RORA: variants seen among roughly 807,000 people sequenced by gnomAD.
RORA encodes the protein RAR related orphan receptor A, also known as nuclear receptor ROR-alpha.
Under a neutral mutation model 69.5 loss-of-function variants are expected in RORA, and 7 were observed. That is an observed-to-expected ratio of 0.10 (90% CI 0.06 to 0.19). RORA has a LOEUF of 0.19. Ranked by LOEUF, RORA falls within the 10% of genes least tolerant of loss-of-function variation. The probability of loss-of-function intolerance (pLI) is 1.00; values close to 1 mark genes in which losing one functional copy is unlikely to be tolerated. For missense variants in RORA, 457 were observed against 663.0 expected (o/e 0.69, Z 3.41); for synonymous variants, 261 against 240.8 (o/e 1.08, Z -0.78).
chr15:61,078,856 C>T (rs941803285), intron 1 of RORA, among the ~76,000 whole-genome samples: 1 of 152,182 alleles, frequency 6.6e-6, no homozygotes, highest in African/African-American at 2.4e-5. Flanking sequence ...GCTTAAATGT[C>T]TGCCACATAT....
At chr15:60,778,756 C>T (rs6494222) in intron 1 of RORA, among the ~76,000 whole-genome samples, 116,392 of 151,998 alleles carry the variant, frequency 0.77, 44,663 homozygotes, top group South Asian at 0.88. Flanking sequence ...TACTGTTTTT[C>T]TCTTTCCCTT....
intron 2 of RORA, among the ~76,000 whole-genome samples, chr15:60,538,538 A>G (rs2066754096): frequency 6.6e-6 from 1 of 151,612 alleles, no homozygotes; most frequent in African/African-American, 2.4e-5. Flanking sequence ...ACAGTACCAT[A>G]ATTCTCATCT....
chr15:61,088,089 T>G (rs535203277), intron 1 of RORA, among the ~76,000 whole-genome samples: 20 of 152,358 alleles, frequency 1.3e-4, no homozygotes, highest in African/African-American at 4.8e-4. Context: ...TGCCAGGTGC[T>G]GGGCTAGGCT....
chr15:60,837,038 CT>C (rs35079716), intron 1 of RORA, among the ~76,000 whole-genome samples: 488 of 142,948 alleles, frequency 3.4e-3, no homozygotes, highest in African/African-American at 0.01. Flanking sequence ...ATACCTTGAC[CT>C]TTTTTTTTTT....
intron 1 of RORA, among the ~76,000 whole-genome samples, chr15:60,878,673 T>G (rs1196605209): frequency 6.6e-6 from 1 of 152,322 alleles, no homozygotes; most frequent in East Asian, 1.9e-4. Context: ...TTACTATTAT[T>G]GCTCAGACCT....
intron 1 of RORA, among the ~76,000 whole-genome samples, chr15:60,680,351 A>G (rs1014496670): frequency 6.6e-6 from 1 of 152,122 alleles, no homozygotes; most frequent in East Asian, 1.9e-4. Context: ...GTGTGGAACT[A>G]TTTTCTCTTG....
intron 1 of RORA, among the ~76,000 whole-genome samples, chr15:60,710,202 T>C (rs1272938335): frequency 6.6e-6 from 1 of 152,102 alleles, no homozygotes; most frequent in Admixed American, 6.6e-5. Flanking sequence ...TGTTAAAAAT[T>C]AGTTGGCCAG....
chr15:60,721,316 A>G (rs1017233440), intron 1 of RORA, among the ~76,000 whole-genome samples: 5 of 152,256 alleles, frequency 3.3e-5, no homozygotes, highest in African/African-American at 7.2e-5. Flanking sequence ...TATTTTACAC[A>G]TGGTCTCAAG....
chr15:61,034,569 G>A (rs548912830), intron 1 of RORA, among the ~76,000 whole-genome samples: 35 of 152,178 alleles, frequency 2.3e-4, no homozygotes, highest in South Asian at 1.0e-3. Context: ...AGAAAACCCT[G>A]GGGAACTGCC....
intron 1 of RORA, among the ~76,000 whole-genome samples, chr15:61,175,639 C>T (rs2079622332): frequency 6.6e-6 from 1 of 150,716 alleles, no homozygotes; most frequent in Admixed American, 6.6e-5. Context: ...ATTGCTTGAG[C>T]CCGGGAGGTT....
intron 1 of RORA, among the ~76,000 whole-genome samples, chr15:60,689,337 G>A (rs2070789626): frequency 6.6e-6 from 1 of 152,188 alleles, no homozygotes. Context: ...AGGCCCATAT[G>A]TCCTTGGGAT....
intron 1 of RORA, chr15:60,763,898 C>T (rs1180862327): frequency 1.3e-5 from 2 of 152,220 alleles, no homozygotes; most frequent in South Asian, 2.1e-4. Flanking sequence ...AGGCTGCTCC[C>T]TTTGTGATTG....
chr15:61,147,442 T>C lies in RORA; in HGVS notation c.166+81611A>G, dbSNP rs1188157099. Among the ~76,000 whole-genome samples the C allele has an allele frequency of 6.6e-6, 1 of 152,086 alleles. No homozygotes were observed. Among genetic ancestry groups the C allele is most frequent in the African/African-American group, 2.4e-5 (1 of 41,420 alleles). On this transcript the variant is annotated intron_variant, in intron 1 of 10. Transcript: ENST00000335670. This position sits in a 1 kb window ranked among gnomAD's most constrained non-coding sequence, Gnocchi z 4.1. ...GAGGTGGGTAACCCAACAGGTGCAA[T>C]AGGACTCTGAAGAAGGAATATGAGA...
At chr15:61,050,366 C>T (rs1335840023) in intron 1 of RORA, among the ~76,000 whole-genome samples, 1 of 152,186 alleles carries the variant, frequency 6.6e-6, no homozygotes, top group African/African-American at 2.4e-5. Context: ...CTCATGATAT[C>T]AATAATTCTA....
chr15:60,697,746 T>G (rs1224792837), intron 1 of RORA, among the ~76,000 whole-genome samples: 2 of 152,204 alleles, frequency 1.3e-5, no homozygotes, highest in African/African-American at 4.8e-5. Flanking sequence ...TTTTATACTT[T>G]CCTCAAATTT....
At chr15:61,219,365 G>T (rs1460899186) in intron 1 of RORA, among the ~76,000 whole-genome samples, 1 of 152,194 alleles carries the variant, frequency 6.6e-6, no homozygotes, top group South Asian at 2.1e-4. Flanking sequence ...ACGAGGTCAG[G>T]AGATCGAGAC....
chr15:60,979,271 T>TA (rs1465594637), intron 1 of RORA, among the ~76,000 whole-genome samples: 3 of 72,408 alleles, frequency 4.1e-5, no homozygotes, highest in Non-Finnish European at 9.4e-5. Flanking sequence ...GCCCTTGCTT[T>TA]TTTTTTTTTT....
chr15:60,923,327 C>A (rs900811422), intron 1 of RORA, among the ~76,000 whole-genome samples: 14 of 152,356 alleles, frequency 9.2e-5, no homozygotes, highest in African/African-American at 2.9e-4. Context: ...TGAGTCCCCC[C>A]ACTCCCGAAC....
chr15:60,558,475 T>C (rs2067436590), intron 2 of RORA: 1 of 537,296 alleles, frequency 1.9e-6, no homozygotes, highest in Middle Eastern at 4.8e-4. Flanking sequence ...TGACTGAATA[T>C]TTTTGTTGGG....
Sources: allele counts gnomAD v4.1 joint callset (sites outside exome capture counted in the v4.1 genomes callset), GRCh38; gene constraint gnomAD v4.1.1; non-coding constraint Gnocchi (gnomAD v3.1); transcripts MANE v1.5; gene names NCBI Gene and HGNC (gene_info 2026-07-23, HGNC 2026-07-21).